Variants in DIAPH2 observed in about 807,000 individuals in gnomAD.
DIAPH2 encodes diaphanous related formin 2, also known as protein diaphanous homolog 2.
DIAPH2 carries 35 observed loss-of-function variants against 92.7 expected under a neutral mutation model. The observed-to-expected ratio is 0.38, with a 90% confidence interval of 0.29 to 0.50. DIAPH2 has a LOEUF of 0.50. Ranked by LOEUF, DIAPH2 falls within the 20% of genes least tolerant of loss-of-function variation. The pLI is 0.94. For missense variants in DIAPH2, 701 were observed against 819.5 expected (o/e 0.86, Z 1.77); for synonymous variants, 301 against 280.4 (o/e 1.07, Z -0.73).
chrX:97,098,989 T>G (rs1020741260), intron 19 of DIAPH2, among the ~76,000 whole-genome samples: 1 of 112,164 alleles, frequency 8.9e-6, no homozygotes, highest in Admixed American at 9.4e-5. Context: ...TAATGGGAGA[T>G]GTTGTACAAG....
chrX:97,325,702 C>T (rs772812544), intron 23 of DIAPH2, among the ~76,000 whole-genome samples: 26 of 110,601 alleles, frequency 2.4e-4, no homozygotes, highest in East Asian at 8.5e-4. Context: ...CTCAGCCTCC[C>T]GAGTAGCTGG....
chrX:97,155,580 TCA>T (rs2067316877), intron 22 of DIAPH2, among the ~76,000 whole-genome samples: 1 of 111,848 alleles, frequency 8.9e-6, no homozygotes, highest in Non-Finnish European at 1.9e-5. Context: ...CAAAGATTTA[TCA>T]CCTTGAAATT....
intron 23 of DIAPH2, among the ~76,000 whole-genome samples, chrX:97,321,130 A>T (rs1355398991): frequency 9.0e-6 from 1 of 111,569 alleles, no homozygotes; most frequent in Non-Finnish European, 1.9e-5. Flanking sequence ...CTAGATGGAG[A>T]ATTAACCTCT....
At chrX:97,411,639 T>C (rs904627926) in intron 25 of DIAPH2, among the ~76,000 whole-genome samples, 33 of 111,844 alleles carry the variant, frequency 3.0e-4, no homozygotes, top group African/African-American at 1.0e-3. Flanking sequence ...CCCATCAGTG[T>C]GCTATATTCA....
chrX:97,110,998 A>C (rs1039619862), intron 20 of DIAPH2, among the ~76,000 whole-genome samples: 3 of 110,535 alleles, frequency 2.7e-5, no homozygotes, highest in Admixed American at 9.6e-5. Flanking sequence ...AAACAAACAA[A>C]AAAAAAAAGA....
chrX:97,552,123 C>T (rs1250719195), intron 26 of DIAPH2, among the ~76,000 whole-genome samples: 1 of 111,482 alleles, frequency 9.0e-6, no homozygotes, highest in East Asian at 2.8e-4. Flanking sequence ...AGATGATCTT[C>T]GCATTATCTC....
intron 24 of DIAPH2, among the ~76,000 whole-genome samples, chrX:97,351,456 C>A (rs750710953): frequency 9.0e-6 from 1 of 111,536 alleles, no homozygotes; most frequent in Non-Finnish European, 1.9e-5. Flanking sequence ...TGTTAAGGTG[C>A]GATAATAACA....
intron 23 of DIAPH2, among the ~76,000 whole-genome samples, chrX:97,259,828 A>AGTTTT (rs760002693): frequency 2.9e-4 from 32 of 111,909 alleles, no homozygotes; most frequent in Non-Finnish European, 4.3e-4. Context: ...TATCATATTA[A>AGTTTT]GTTTTGTTTT....
rs746028737 is a variant in DIAPH2, at chrX:97,062,849, A to G, written c.2051-10092A>G. Among the ~76,000 whole-genome samples, 6 of 107,916 alleles carry G rather than the reference A, an allele frequency of 5.6e-5. No homozygotes were observed. In the East Asian group the frequency reaches 1.8e-3, roughly 32 times the overall value. 93.7% of individuals were successfully genotyped at this position (107,916 alleles called of 115,157 possible). Reference sequence around the variant, plus strand: ...GGAGTTCGAGACCAGCCTGGCCAACATGGTGAAACCCAGTCTCTACCAAAA... The same window carrying G: ...GGAGTTCGAGACCAGCCTGGCCAACGTGGTGAAACCCAGTCTCTACCAAAA... On this transcript the variant is annotated intron_variant, in intron 17 of 26. Coordinates refer to ENST00000324765, the MANE Select transcript of DIAPH2 (RefSeq NM_006729.5).
chrX:96,920,630 A>G (rs990845189), intron 9 of DIAPH2, among the ~76,000 whole-genome samples: 4 of 111,932 alleles, frequency 3.6e-5, no homozygotes, highest in Admixed American at 1.9e-4. Flanking sequence ...GGCATTGCCT[A>G]TACTTTGAAG....
At chrX:96,813,887 A>G (rs1364970679) in intron 4 of DIAPH2, among the ~76,000 whole-genome samples, 1 of 112,289 alleles carries the variant, frequency 8.9e-6, no homozygotes, top group East Asian at 2.8e-4. Flanking sequence ...TTCTGCTGAA[A>G]GATCCACTGT....
At chrX:96,759,968 A>C (rs1343711096) in intron 4 of DIAPH2, among the ~76,000 whole-genome samples, 1 of 111,767 alleles carries the variant, frequency 8.9e-6, no homozygotes, top group East Asian at 2.8e-4. Context: ...TGCATTATTC[A>C]AAAGATGGAA....
intron 3 of DIAPH2, among the ~76,000 whole-genome samples, chrX:96,746,900 T>C (rs1170437976): frequency 1.8e-5 from 2 of 111,960 alleles, no homozygotes; most frequent in African/African-American, 6.5e-5. Flanking sequence ...TCTTCTCATA[T>C]TGATCAGAAG....
Position 96,916,579 on chromosome X carries a change from G to A in DIAPH2, c.869+5G>A, listed in dbSNP as rs750083005. On this transcript the variant is annotated splice_donor_5th_base_variant and intron_variant, in intron 8 of 26. Coordinates refer to ENST00000324765, the MANE Select transcript of DIAPH2 (RefSeq NM_006729.5). ...CATTGTTGGAGAAGAGAACATGTAA[G>A]TATTGCTATATTATTATATTTGCTG... The A allele has an allele frequency of 4.3e-5, 51 of 1,190,141 alleles. 1 individual carries two copies. The South Asian group carries it at 8.8e-4, about 21-fold the overall frequency.
chrX:97,416,591 G>A (rs1222578117), intron 25 of DIAPH2, among the ~76,000 whole-genome samples: 2 of 111,970 alleles, frequency 1.8e-5, no homozygotes, highest in South Asian at 3.8e-4. Context: ...GAGCTCATGA[G>A]TAGGGGAGAA....
intron 26 of DIAPH2, among the ~76,000 whole-genome samples, chrX:97,567,037 A>G (rs915455423): frequency 4.0e-4 from 45 of 111,911 alleles, no homozygotes; most frequent in African/African-American, 1.4e-3. Context: ...ACAATGAAAA[A>G]TGACTCCCCA....
intron 24 of DIAPH2, among the ~76,000 whole-genome samples, chrX:97,358,365 G>A (rs2069288731): frequency 9.0e-6 from 1 of 111,420 alleles, no homozygotes; most frequent in Non-Finnish European, 1.9e-5. Context: ...TCAAGTGGCT[G>A]AAACCAGGAA....
At chrX:97,292,072 ATTTTT>A (rs34226875) in intron 23 of DIAPH2, among the ~76,000 whole-genome samples, 1 of 85,025 alleles carries the variant, frequency 1.2e-5, no homozygotes, top group African/African-American at 4.1e-5. Context: ...TATAGAAGCA[ATTTTT>A]TTTTTTTTTT....
chrX:96,699,257 T>G (rs1302901851), intron 1 of DIAPH2, among the ~76,000 whole-genome samples: 1 of 112,308 alleles, frequency 8.9e-6, no homozygotes, highest in Non-Finnish European at 1.9e-5. Context: ...AATATAGTCC[T>G]GGTTGTTGAT....
Sources: allele counts gnomAD v4.1 joint callset (sites outside exome capture counted in the v4.1 genomes callset), GRCh38; gene constraint gnomAD v4.1.1; transcripts MANE v1.5; gene names NCBI Gene and HGNC (gene_info 2026-07-23, HGNC 2026-07-21).